The following ATP1A2 variants were observed in gnomAD, a reference collection of about 807,000 sequenced individuals.
The protein encoded by ATP1A2 is ATPase Na+/K+ transporting subunit alpha 2.
ATP1A2 carries 56 observed loss-of-function variants against 113.1 expected under a neutral mutation model. That is an observed-to-expected ratio of 0.49 (90% CI 0.40 to 0.62). ATP1A2 has a LOEUF of 0.62. Ranked by LOEUF, ATP1A2 falls within the 20% of genes least tolerant of loss-of-function variation. The pLI is 0.00. For synonymous variants in ATP1A2, 490 were observed against 526.8 expected, an observed-to-expected ratio of 0.93 and a Z score of 0.96; for missense variants, 712 against 1,357.8, an observed-to-expected ratio of 0.52 and a Z score of 7.47.
At chr1:160,117,733 G>T in intron 1 of ATP1A2, among the ~76,000 whole-genome samples, 1 of 152,160 alleles carries the variant, frequency 6.6e-6, no homozygotes, top group East Asian at 1.9e-4. Flanking sequence ...TTACCCAGTG[G>T]CTGTGAAGGG....
chr1:160,137,583 CCA>C (rs1651995900), intron 20 of ATP1A2, among the ~76,000 whole-genome samples: 1 of 152,128 alleles, frequency 6.6e-6, no homozygotes. Flanking sequence ...AATGATGTGC[CCA>C]AGGTCACCAA....
rs767910135 is a variant in ATP1A2 at position 160,135,643 on chromosome 1, G to T, written c.2284+41G>T. The T allele has an allele frequency of 2.5e-6, 4 of 1,612,486 alleles. No individual in the cohort carries two copies. The African/African-American group carries it at 5.3e-5, about 22-fold the overall frequency. On this transcript the variant is annotated intron_variant, in intron 16 of 22. Coordinates refer to ENST00000361216, the MANE Select transcript of ATP1A2 (RefSeq NM_000702.4). This position sits in a 1 kb window ranked among gnomAD's most constrained non-coding sequence, Gnocchi z 6.3. ...GGGTTGGGATGGTTTGCAGGATACT[G>T]AAGCCGGCACCTCTGTTCCCTGTCC...
At chr1:160,129,490 T>G in intron 11 of ATP1A2, 90 bp downstream of exon 11, 1 of 1,578,286 alleles carries the variant, frequency 6.3e-7, no homozygotes, top group Non-Finnish European at 8.6e-7. Context: ...CTAGCAGGAG[T>G]GGGGGTGTCT....
At position 160,129,520 on chromosome 1, in the gene ATP1A2, C is replaced by G. The variant is rs555720398; in HGVS notation, c.1461+120C>G. 17 of 1,461,152 alleles carry G rather than the reference C, an allele frequency of 1.2e-5. No individual in the cohort carries two copies. The South Asian group carries it at 1.8e-4, about 16-fold the overall frequency. The allele number at this position is 1,461,152 out of a possible 1,614,324, so 90.5% of individuals were successfully genotyped here. Reference sequence around the variant, plus strand: ...GTGTCTGAGGGTCATGTTCCCTCCCCCTGCTAAGTCCCCCAGGACAGCTCA... The same window carrying G: ...GTGTCTGAGGGTCATGTTCCCTCCCGCTGCTAAGTCCCCCAGGACAGCTCA... On this transcript the variant is annotated intron_variant, in intron 11 of 22. Coordinates refer to ENST00000361216, the MANE Select transcript of ATP1A2 (RefSeq NM_000702.4).
intron 13 of ATP1A2, among the ~76,000 whole-genome samples, chr1:160,133,858 G>A (rs968442559): frequency 1.3e-5 from 2 of 152,052 alleles, no homozygotes; most frequent in African/African-American, 2.4e-5. Flanking sequence ...AAGATTTGAG[G>A]CTTCTCTTCC....
intron 1 of ATP1A2, among the ~76,000 whole-genome samples, chr1:160,119,314 G>A (rs1651299712): frequency 7.6e-6 from 1 of 130,954 alleles, no homozygotes; most frequent in Non-Finnish European, 1.6e-5. Context: ...CCCTACCCAG[G>A]TATCCACTCT....
intron 1 of ATP1A2, among the ~76,000 whole-genome samples, chr1:160,120,592 T>TTTGTA (rs370407993): frequency 1.6e-3 from 240 of 152,330 alleles, no homozygotes; most frequent in African/African-American, 5.5e-3. Flanking sequence ...TTTGTTTTGT[T>TTTGTA]TTGTATTTAG....
intron 13 of ATP1A2, among the ~76,000 whole-genome samples, chr1:160,132,371 T>C (rs562740411): frequency 6.6e-6 from 1 of 152,078 alleles, no homozygotes; most frequent in African/African-American, 2.4e-5. Context: ...GGTTGAGCTT[T>C]TAGGAGACTA....
chr1:160,132,004 G>A lies in ATP1A2; in HGVS notation c.1827+1407G>A, dbSNP rs541730655. ...CTCTCTCTGTGATCAGAACCATCAC[G>A]GAGGCCTGGGCAGAGGACCTCTATG... On this transcript the variant is annotated intron_variant, in intron 13 of 22. Coordinates refer to ENST00000361216, the MANE Select transcript of ATP1A2 (RefSeq NM_000702.4). 3.1e-3 allele frequency among the ~76,000 whole-genome samples: 473 copies of A among 152,280 alleles called. 1 individual carries two copies. Among genetic ancestry groups the A allele is most frequent in the Non-Finnish European group, 5.0e-3 (337 of 68,022 alleles).
At chr1:160,140,455 A>G in intron 22 of ATP1A2, among the ~76,000 whole-genome samples, 1 of 152,098 alleles carries the variant, frequency 6.6e-6, no homozygotes. Flanking sequence ...TTAAAATATG[A>G]TGGCTTACAA....
At chr1:160,119,842 A>AG (rs958568729) in intron 1 of ATP1A2, among the ~76,000 whole-genome samples, 21 of 147,998 alleles carry the variant, frequency 1.4e-4, no homozygotes, top group African/African-American at 5.3e-4. Flanking sequence ...AAAAAAAAAA[A>AG]AAAGAAAGAA....
At position 160,136,817 on chromosome 1, in the gene ATP1A2, G is replaced by T. The variant is rs1054696929; in HGVS notation, c.2710-84G>T. The T allele has an allele frequency of 1.9e-6, 3 of 1,613,966 alleles. No homozygotes were observed. In the African/African-American group the frequency reaches 4.0e-5, roughly 22 times the overall value. On this transcript the variant is annotated intron_variant, in intron 19 of 22. Coordinates refer to ENST00000361216, the MANE Select transcript of ATP1A2 (RefSeq NM_000702.4). Reference sequence around the variant, plus strand: ...GTGGCCAACTGGGACTGGGGCTAGGGGTGGATCAGGAGAAACCATGCTACC... The same window carrying T: ...GTGGCCAACTGGGACTGGGGCTAGGTGTGGATCAGGAGAAACCATGCTACC...
At chr1:160,125,693 G>A (rs1651566082) in intron 7 of ATP1A2, among the ~76,000 whole-genome samples, 1 of 152,206 alleles carries the variant, frequency 6.6e-6, no homozygotes, top group Non-Finnish European at 1.5e-5. Context: ...CAGGGTCTGG[G>A]AGGGCCAAGA....
chr1:160,125,552 C>T (rs1360744960), intron 7 of ATP1A2: 1 of 417,286 alleles, frequency 2.4e-6, no homozygotes, highest in African/African-American at 2.0e-5. Flanking sequence ...TACGCATGCG[C>T]ACACACAGAT....
rs1651717753 is a variant in ATP1A2, at chr1:160,129,966, A to G, written c.1462-136A>G. ...GTGAGGTCTAAACACCCCCCTGCAC[A>G]AGGAGATTCTCTTTGTTGACAATCT... On this transcript the variant is annotated intron_variant, in intron 11 of 22. Coordinates refer to ENST00000361216, the MANE Select transcript of ATP1A2 (RefSeq NM_000702.4). The G allele has an allele frequency of 7.1e-6, 8 of 1,133,532 alleles. No individual in the cohort carries two copies. In the East Asian group the frequency reaches 9.8e-5, roughly 14 times the overall value. 70.2% of individuals were successfully genotyped at this position (1,133,532 alleles called of 1,614,324 possible). A position where few individuals can be genotyped will look rare whatever the true frequency, so the allele number is the denominator to read the frequency against.
intron 20 of ATP1A2, among the ~76,000 whole-genome samples, chr1:160,139,101 A>T (rs1217020215): frequency 1.3e-5 from 2 of 152,232 alleles, no homozygotes; most frequent in African/African-American, 4.8e-5. Flanking sequence ...GAACCTCCTT[A>T]TTCTATCCTG....
chr1:160,141,618 C>A lies in ATP1A2; in HGVS notation c.*296C>A. The A allele has an allele frequency of 2.2e-6, 1 of 459,218 alleles. No homozygotes were observed. Among genetic ancestry groups the A allele is most frequent in the East Asian group, 4.2e-5 (1 of 23,768 alleles). 28.4% of individuals were successfully genotyped at this position (459,218 alleles called of 1,614,324 possible). A position where few individuals can be genotyped will look rare whatever the true frequency, so the allele number is the denominator to read the frequency against. On this transcript the variant is annotated 3_prime_UTR_variant, in exon 23 of 23. Coordinates refer to ENST00000361216, the MANE Select transcript of ATP1A2 (RefSeq NM_000702.4). ...TTCTGAGGAATTAAGGGTTACCCCA[C>A]CCTGCCCACTCCCATCCCTTCAACC...
intron 22 of ATP1A2, among the ~76,000 whole-genome samples, chr1:160,140,980 A>G (rs1483527507): frequency 2.0e-5 from 3 of 148,646 alleles, no homozygotes; most frequent in Admixed American, 6.9e-5. Flanking sequence ...CTCTTGCCTC[A>G]GCCTCCAGAG....
rs1652173685 is a variant in ATP1A2, at chr1:160,142,169, G to T, written c.*847G>T. On this transcript the variant is annotated 3_prime_UTR_variant, in exon 23 of 23. Coordinates refer to ENST00000361216, the MANE Select transcript of ATP1A2 (RefSeq NM_000702.4). ...AGTTCCCCGCTGACCCTTGGTTAGG[G>T]GTCCTCTTAGTCCACAAGGTCCGGA... is the stretch of plus-strand genomic sequence containing the variant. The T allele has an allele frequency of 1.3e-5, 2 of 152,422 alleles. No homozygotes were observed. Among genetic ancestry groups the T allele is most frequent in the Admixed American group, 1.3e-4 (2 of 15,292 alleles). 9.4% of individuals were successfully genotyped at this position (152,422 alleles called of 1,614,324 possible).
Sources: gnomAD v4.1 joint callset for allele counts (sites outside exome capture counted in the v4.1 genomes callset) on GRCh38, gnomAD v4.1.1 for gene constraint, Gnocchi (gnomAD v3.1) non-coding constraint, MANE v1.5 for transcripts, NCBI Gene and HGNC (gene_info 2026-07-23, HGNC 2026-07-21) for gene names.